C12orf42: variants seen among roughly 807,000 people sequenced by gnomAD.
C12orf42 encodes the protein chromosome 12 open reading frame 42, also known as uncharacterized protein C12orf42.
C12orf42 carries 25 observed loss-of-function variants against 21.6 expected under a neutral mutation model. The ratio of observed to expected loss-of-function variants is 1.16; its 90% confidence interval spans 0.84 to 1.62. The LOEUF (loss-of-function observed/expected upper bound fraction) is 1.62. Ranked by LOEUF, C12orf42 falls within the 40% of genes most tolerant of loss-of-function variation. The pLI, the probability that C12orf42 is intolerant of heterozygous loss-of-function variation, is 0.00. For missense variants in C12orf42, 483 were observed against 459.3 expected (o/e 1.05, Z -0.47); for synonymous variants, 174 against 175.0 (o/e 0.99, Z 0.05).
chr12:103,385,449 T>A (rs1400523194), intron 3 of C12orf42, among the ~76,000 whole-genome samples: 1 of 152,212 alleles, frequency 6.6e-6, no homozygotes, highest in Non-Finnish European at 1.5e-5. Flanking sequence ...ATAATTATAC[T>A]TATGATGAGT....
chr12:103,462,095 G>GTTTTTTTTTTTTTTTTT lies in C12orf42; in HGVS notation c.78+16253_78+16254insAAAAAAAAAAAAAAAAA, dbSNP rs1565867930. On this transcript the variant is annotated intron_variant, in intron 2 of 5. Transcript: ENST00000548883. Reference sequence around the variant, plus strand: ...TCCATTTTTGTTTTGTTTTTTGCTTGGTTTTTTTTTTTTTTTTTTTTTTTT... The same window carrying GTTTTTTTTTTTTTTTTT: ...TCCATTTTTGTTTTGTTTTTTGCTTGTTTTTTTTTTTTTTTTTGTTTTTTTTTTTTTTTTTTTTTTTT... Among the ~76,000 whole-genome samples, 10 of 31,482 alleles carry GTTTTTTTTTTTTTTTTT rather than the reference G, an allele frequency of 3.2e-4. 1 individual carries two copies. Among genetic ancestry groups the GTTTTTTTTTTTTTTTTT allele is most frequent in the Non-Finnish European group, 6.2e-4 (9 of 14,410 alleles). The allele number at this position is 31,482 out of a possible 152,430, so 20.7% of individuals were successfully genotyped here.
At chr12:103,102,341 T>A in the C12orf42 span, among the ~76,000 whole-genome samples, 1 of 152,216 alleles carries the variant, frequency 6.6e-6, no homozygotes, top group African/African-American at 2.4e-5. Flanking sequence ...ATGACTAAGT[T>A]CATGTCTACC....
chr12:103,477,229 A>G (rs1049043977), intron 2 of C12orf42, among the ~76,000 whole-genome samples: 5 of 152,124 alleles, frequency 3.3e-5, no homozygotes, highest in South Asian at 4.2e-4. Context: ...AAAGCACAGG[A>G]TAGATTTTAG....
At chr12:103,297,892 CA>C (rs1462451678), downstream of C12orf42, among the ~76,000 whole-genome samples, 3 of 149,148 alleles carry the variant, frequency 2.0e-5, no homozygotes, top group African/African-American at 7.5e-5. Context: ...AGGCCTGTGA[CA>C]AAATTCAACA....
chr12:103,090,089 T>C, the C12orf42 span, among the ~76,000 whole-genome samples: 2 of 152,040 alleles, frequency 1.3e-5, no homozygotes, highest in Non-Finnish European at 2.9e-5. Context: ...ATTCTGAAGA[T>C]TAGCTATCAA....
At position 103,250,141 on chromosome 12, in the gene C12orf42, T is replaced by C. The variant is rs528068800; in HGVS notation, c.*1367-12239A>G. On this transcript the variant is annotated intron_variant and NMD_transcript_variant, in intron 10 of 10. Coordinates refer to the C12orf42 transcript ENST00000547347. Reference sequence around the variant, plus strand: ...TCTAAAGAAGTATAGTATGTTTTACTTCTTGGAATGTCGGCTAAGATTTTT... The same window carrying C: ...TCTAAAGAAGTATAGTATGTTTTACCTCTTGGAATGTCGGCTAAGATTTTT... Among the ~76,000 whole-genome samples the C allele has an allele frequency of 1.8e-4, 28 of 152,210 alleles. 1 individual carries two copies. In the South Asian group the frequency reaches 5.8e-3, roughly 32 times the overall value.
the C12orf42 span, among the ~76,000 whole-genome samples, chr12:103,542,579 T>G: frequency 6.6e-6 from 1 of 152,252 alleles, no homozygotes; most frequent in Non-Finnish European, 1.5e-5. Context: ...AACAAGTGCA[T>G]GTGGCCAATG....
the C12orf42 span, among the ~76,000 whole-genome samples, chr12:103,224,801 G>GT: frequency 4.1e-3 from 627 of 152,298 alleles, 4 homozygotes; most frequent in African/African-American, 0.014. Context: ...AAACAGTAAG[G>GT]TCAAGTTGTT....
intron 4 of C12orf42, among the ~76,000 whole-genome samples, chr12:103,332,329 T>C (rs2041307529): frequency 6.6e-6 from 1 of 152,302 alleles, no homozygotes; most frequent in African/African-American, 2.4e-5. Flanking sequence ...ACCATGTAAA[T>C]TGATTCCCAA....
chr12:103,141,918 T>C, the C12orf42 span, among the ~76,000 whole-genome samples: 1 of 152,202 alleles, frequency 6.6e-6, no homozygotes, highest in Non-Finnish European at 1.5e-5. Context: ...GTCTTATCTG[T>C]ATTTTGAAAT....
At chr12:103,518,070 T>C in the C12orf42 span, among the ~76,000 whole-genome samples, 6 of 152,140 alleles carry the variant, frequency 3.9e-5, no homozygotes, top group African/African-American at 7.2e-5. Context: ...TTAAAACTCG[T>C]TTATCAGAAT....
chr12:103,366,209 G>A (rs571135446), intron 4 of C12orf42, among the ~76,000 whole-genome samples: 1 of 152,132 alleles, frequency 6.6e-6, no homozygotes, highest in South Asian at 2.1e-4. Flanking sequence ...AACATAAAGT[G>A]AGGAAAGGAC....
intron 2 of C12orf42, among the ~76,000 whole-genome samples, chr12:103,436,759 T>TACA (rs564531634): frequency 6.6e-6 from 1 of 152,174 alleles, no homozygotes; most frequent in Non-Finnish European, 1.5e-5. Context: ...AAGCAAGTCC[T>TACA]ACAAAGTGAC....
At chr12:103,186,465 T>A in the C12orf42 span, among the ~76,000 whole-genome samples, 3 of 152,184 alleles carry the variant, frequency 2.0e-5, no homozygotes, top group African/African-American at 7.2e-5. Context: ...TGACATGCGT[T>A]CAAAAGTGAT....
chr12:103,210,133 T>C, the C12orf42 span, among the ~76,000 whole-genome samples: 1 of 152,152 alleles, frequency 6.6e-6, no homozygotes, highest in East Asian at 1.9e-4. Context: ...ATGGTAATTT[T>C]CCACTTTTAT....
Position 103,282,083 on chromosome 12 carries a change from G to C in C12orf42, n.338-4873C>G, listed in dbSNP as rs189231654. ...CTTTCTTCTTTAGTTATGTTTATTAGAATTGCACTTCTGGTCATTTAAAAT... is the reference window on the plus strand; with the variant it reads ...CTTTCTTCTTTAGTTATGTTTATTACAATTGCACTTCTGGTCATTTAAAAT... On this transcript the variant is annotated intron_variant and non_coding_transcript_variant, in intron 4 of 6. Coordinates refer to the C12orf42 transcript ENST00000546526. 2.5e-3 allele frequency among the ~76,000 whole-genome samples: 382 copies of C among 152,212 alleles called. 1 individual carries two copies. Among genetic ancestry groups the C allele is most frequent in the Middle Eastern group, 0.014 (4 of 294 alleles).
chr12:103,208,326 C>T, the C12orf42 span, among the ~76,000 whole-genome samples: 1 of 152,162 alleles, frequency 6.6e-6, no homozygotes, highest in Admixed American at 6.5e-5. Context: ...GATGGCTCCC[C>T]ACACGGCCCC....
chr12:103,424,658 TG>T (rs1411627837), intron 2 of C12orf42, among the ~76,000 whole-genome samples: 1 of 152,206 alleles, frequency 6.6e-6, no homozygotes, highest in Non-Finnish European at 1.5e-5. Flanking sequence ...GCTTTTCCCA[TG>T]GTCTTTGCAA....
chr12:103,137,196 T>C, the C12orf42 span, among the ~76,000 whole-genome samples: 1 of 151,978 alleles, frequency 6.6e-6, no homozygotes, highest in African/African-American at 2.4e-5. Flanking sequence ...AATAATACCA[T>C]TTAAAGTGGG....
Sources: allele counts gnomAD v4.1 joint callset (sites outside exome capture counted in the v4.1 genomes callset), GRCh38; gene constraint gnomAD v4.1.1; transcripts MANE v1.5; gene names NCBI Gene and HGNC (gene_info 2026-07-23, HGNC 2026-07-21).